Variants in ANKAR observed in about 807,000 individuals in gnomAD.
The protein encoded by ANKAR is ankyrin and armadillo repeat containing.
ANKAR carries 136 observed loss-of-function variants against 146.2 expected under a neutral mutation model. The ratio of observed to expected loss-of-function variants is 0.93; its 90% CI spans 0.81 to 1.07. ANKAR has a LOEUF of 1.07. Among genes scored for constraint, ANKAR ranks in the 50% least tolerant of loss-of-function variants. The pLI, the probability that ANKAR is intolerant of heterozygous loss-of-function variation, is 0.00. For synonymous variants in ANKAR, 500 were observed against 575.8 expected (o/e 0.87, Z 1.88); for missense variants, 1,567 against 1,679.9 (o/e 0.93, Z 1.18).
At chr2:189,731,263 T>G (rs1225091) in intron 16 of ANKAR, among the ~76,000 whole-genome samples, 149,448 of 152,274 alleles carry the variant, frequency 0.98, 73,396 homozygotes, top group East Asian at 1. Flanking sequence ...AATTATAACA[T>G]CAAAAAAAAT....
At position 189,754,758 on chromosome 2, in the gene ANKAR, T is replaced by TG. The variant is rs551712946; in HGVS notation, c.*585-6332dup. ...TGTAGTATTCTAAAACAAAGGGGGG[T>TG]GGGGGGGGACCCTGTCTGTGGTGTA... On this transcript the variant is annotated intron_variant and NMD_transcript_variant, in intron 18 of 18. Coordinates refer to the ANKAR transcript ENST00000441800. The TG allele has an allele frequency of 0.015, 2,142 of 139,524 alleles. 50 individuals are homozygous for TG. In the African/African-American group the frequency reaches 0.17, roughly 11 times the overall value. 8.6% of individuals were successfully genotyped at this position (139,524 alleles called of 1,614,324 possible).
At position 189,727,913 on chromosome 2, in the gene ANKAR, A is replaced by C; in HGVS notation, c.2693A>C (p.Glu898Ala). 1.2e-6 allele frequency: 2 copies of C among 1,614,004 alleles called. No individual in the cohort carries two copies. The highest frequency in any genetic ancestry group is 1.7e-6 in the Non-Finnish European group (2 of 1,179,960). The change falls in exon 13 of 23, where the codon GAA (glutamate) becomes GCA (alanine). Residue 898 changes from glutamate to alanine, a missense_variant. Glu to Ala is a moderately radical substitution (Grantham distance 107). Coordinates refer to ENST00000684021, the MANE Select transcript of ANKAR (RefSeq NM_001378068.1). ...GCTGAGGTTGGGCGTGACAATAAGGAAATTCAGGATGCTATAGCTATGGAG... is the reference window on the plus strand; with the variant it reads ...GCTGAGGTTGGGCGTGACAATAAGGCAATTCAGGATGCTATAGCTATGGAG... ...AIAEVGRDNKEIQDAIAMEGA... is the reference protein window; with the variant it reads ...AIAEVGRDNKAIQDAIAMEGA...
At chr2:189,759,903 C>A (rs547777264) in intron 18 of ANKAR, among the ~76,000 whole-genome samples, 2 of 152,078 alleles carry the variant, frequency 1.3e-5, no homozygotes. Context: ...GAGGACTCTG[C>A]GGCCTTCTGC....
In ANKAR at chr2:189,692,364, A is replaced by T. The variant is rs2036549950; in HGVS notation, c.1149A>T (p.Gly383=). The T allele has an allele frequency of 1.2e-6, 2 of 1,612,902 alleles. No individual in the cohort carries two copies. Among genetic ancestry groups the T allele is most frequent in the South Asian group, 1.1e-5 (1 of 90,714 alleles). Residue 383 remains glycine (G), a synonymous_variant, in exon 4 of 23, where the codon GGA becomes GGT. Transcript: ENST00000684021. ...KENQYFHVHG[G]IEFDISTPSI... ...ATCAATATTTTCATGTTCATGGAGG[A>T]ATTGAATTTGATATCAGCACCCCTT...
Position 189,705,164 on chromosome 2 carries a change from G to C in ANKAR, c.1850G>C (p.Cys617Ser). Residue 617 changes from cysteine (C) to serine (S), a missense_variant, in exon 8 of 23, where the codon TGC becomes TCC. Coordinates refer to ENST00000684021, the MANE Select transcript of ANKAR (RefSeq NM_001378068.1). ...IHFAAFYDNV[C>S]IIIALCRKDP... ...TTTGCCGCTTTCTATGACAACGTTT[G>C]CATCATTATTGCTCTCTGTAGGAAG... is the stretch of plus-strand genomic sequence containing the variant. The C allele has an allele frequency of 6.2e-7, 1 of 1,614,092 alleles. No homozygotes were observed. The highest frequency in any genetic ancestry group is 8.5e-7 in the Non-Finnish European group (1 of 1,180,014).
rs1426740770 is a variant in ANKAR, at chr2:189,728,410, G to GCAGT, written c.3022_3025dup (p.Tyr1009SerfsTer6). On this transcript the variant is annotated frameshift_variant, in exon 14 of 23. Coordinates refer to ENST00000684021, the MANE Select transcript of ANKAR (RefSeq NM_001378068.1). LOFTEE classifies it high-confidence loss of function. Reference sequence around the variant, plus strand: ...TGCTTTTGTCACCATCAGCTAAAATGCAGTATGTTGGTAAGTTATTTTCCT... The same window carrying GCAGT: ...TGCTTTTGTCACCATCAGCTAAAATGCAGTCAGTATGTTGGTAAGTTATTTTCCT... The GCAGT allele has an allele frequency of 6.3e-7, 1 of 1,598,156 alleles. No homozygotes were observed. The highest frequency in any genetic ancestry group is 8.5e-7 in the Non-Finnish European group (1 of 1,175,878).
Position 189,715,374 on chromosome 2 carries a change from C to G in ANKAR, c.2225-4198C>G, listed in dbSNP as rs536068999. On this transcript the variant is annotated intron_variant, in intron 10 of 22. Coordinates refer to ENST00000684021, the MANE Select transcript of ANKAR (RefSeq NM_001378068.1). Reference sequence around the variant, plus strand: ...TAAATTCCTGGACACATACAACCTCCCAAGAGTAAACCAGGAAAAAGTTGA... The same window carrying G: ...TAAATTCCTGGACACATACAACCTCGCAAGAGTAAACCAGGAAAAAGTTGA... Among the ~76,000 whole-genome samples, 551 of 152,230 alleles carry G rather than the reference C, an allele frequency of 3.6e-3. 2 individuals are homozygous for G. The highest frequency in any genetic ancestry group is 0.012 in the African/African-American group (484 of 41,526).
downstream of ANKAR, among the ~76,000 whole-genome samples, chr2:189,750,880 A>C (rs1263560349): frequency 6.6e-6 from 1 of 152,220 alleles, no homozygotes; most frequent in African/African-American, 2.4e-5. Flanking sequence ...TTTTTGAAAG[A>C]AACAGTTTTG....
rs933392424 is a variant in ANKAR, at chr2:189,755,663, T to C, written c.*585-5435T>C. 9.4e-5 allele frequency: 117 copies of C among 1,244,430 alleles called. No homozygotes were observed. The Middle Eastern group carries it at 1.4e-3, about 15-fold the overall frequency. 77.1% of individuals were successfully genotyped at this position (1,244,430 alleles called of 1,614,324 possible). A position where few individuals can be genotyped will look rare whatever the true frequency, so the allele number is the denominator to read the frequency against. ...GTCTTCAAGTTAATCATTATATAGC[T>C]GAGTAAGTCAAGTATTTTCTAATTG... On this transcript the variant is annotated intron_variant and NMD_transcript_variant, in intron 18 of 18. Coordinates refer to the ANKAR transcript ENST00000441800.
In ANKAR at chr2:189,744,758, G is replaced by A; in HGVS notation, c.4027G>A (p.Gly1343Arg). The A allele has an allele frequency of 6.3e-7, 1 of 1,596,082 alleles. No individual in the cohort carries two copies. The highest frequency in any genetic ancestry group is 8.6e-7 in the Non-Finnish European group (1 of 1,165,922). The change falls in exon 22 of 23, where the codon GGA (glycine) becomes AGA (arginine). Residue 1343 changes from glycine to arginine, a missense_variant. Physicochemically the swap from Gly to Arg is moderately radical, Grantham distance 125. Transcript: ENST00000684021. ...TCCTTTTAGTCTGGAGAAGAATGGA[G>A]GACCATCCATAATTCCTATCTTTAA... ...LPSLSLEKNG[G>R]PSIIPIFKRG... is the part of the protein sequence containing the mutation.
chr2:189,692,167 G>A, intron 3 of ANKAR, 88 bp from the exon 4 acceptor site: 1 of 1,148,376 alleles, frequency 8.7e-7, no homozygotes. Context: ...TTCTCACTTT[G>A]TTTACATGAA....
intron 8 of ANKAR, 52 bp downstream of exon 8, chr2:189,705,276 A>C (rs373242428): frequency 8.5e-3 from 2 of 236 alleles, no homozygotes; most frequent in Admixed American, 0.17. Context: ...AGGCAATAAT[A>C]AAAAAAAAAG....
intron 2 of ANKAR, among the ~76,000 whole-genome samples, chr2:189,684,487 C>T (rs761167929): frequency 1.3e-5 from 2 of 151,966 alleles, no homozygotes; most frequent in Non-Finnish European, 2.9e-5. Context: ...ATTTTAAATT[C>T]TCAGCACCTT....
At chr2:189,682,045 G>A (rs2034781138) in intron 2 of ANKAR, among the ~76,000 whole-genome samples, 2 of 152,130 alleles carry the variant, frequency 1.3e-5, no homozygotes, top group African/African-American at 4.8e-5. Flanking sequence ...AACAAATCCA[G>A]TCACTCTACT....
intron 22 of ANKAR, 132 bp from the exon 23 acceptor site, chr2:189,746,248 T>C (rs1034656036): frequency 2.7e-6 from 3 of 1,101,256 alleles, no homozygotes; most frequent in Non-Finnish European, 3.7e-6. Flanking sequence ...GACATCTAAA[T>C]GTCTGGAAGT....
chr2:189,737,575 C>A, intron 17 of ANKAR, 108 bp from the exon 18 acceptor site: 1 of 941,272 alleles, frequency 1.1e-6, no homozygotes, highest in South Asian at 1.8e-5. Flanking sequence ...TATTTTACTC[C>A]CAGTGATAAG....
intron 10 of ANKAR, among the ~76,000 whole-genome samples, chr2:189,711,689 G>C (rs1195423553): frequency 6.6e-6 from 1 of 152,216 alleles, no homozygotes; most frequent in Non-Finnish European, 1.5e-5. Context: ...CGGCGCAGAA[G>C]ACAGGTGATT....
At position 189,707,055 on chromosome 2, in the gene ANKAR, C is replaced by T. The variant is rs1370584696; in HGVS notation, c.2028C>T (p.Ile676=). 6.2e-7 allele frequency: 1 copy of T among 1,610,186 alleles called. No individual in the cohort carries two copies. The highest frequency in any genetic ancestry group is 1.3e-5 in the African/African-American group (1 of 74,778). Residue 676 remains isoleucine, a synonymous_variant, in exon 9 of 23, where the codon ATC becomes ATT. Coordinates refer to ENST00000684021, the MANE Select transcript of ANKAR (RefSeq NM_001378068.1). ...CAGATATTAAAGGAAATAATATAAT[C>T]CATTTATCAGTGTTAACCTTTCATA... ...RKTDIKGNNI[I]HLSVLTFHTE...
intron 18 of ANKAR, chr2:189,752,801 T>C (rs2045482030): frequency 6.2e-7 from 1 of 1,613,190 alleles, no homozygotes. Flanking sequence ...AAAATGGCAA[T>C]TAATATTTAC....
Sources: allele counts gnomAD v4.1 joint callset (sites outside exome capture counted in the v4.1 genomes callset), GRCh38; gene constraint gnomAD v4.1.1; transcripts MANE v1.5; gene names NCBI Gene and HGNC (gene_info 2026-07-23, HGNC 2026-07-21).